XKR3: variants seen among roughly 807,000 people sequenced by gnomAD.
XKR3 encodes XK-related protein 3.
Under a neutral mutation model 40.3 loss-of-function variants are expected in XKR3, and 27 were observed. The observed-to-expected ratio is 0.67, with a 90% CI of 0.49 to 0.92. The LOEUF (loss-of-function observed/expected upper bound fraction) is 0.92, where lower values mean the gene tolerates loss of function less well. Among genes scored for constraint, XKR3 ranks in the 40% least tolerant of loss-of-function variants. XKR3 has a pLI of 0.00. For missense variants in XKR3, 472 were observed against 537.6 expected, an observed-to-expected ratio of 0.88 and a Z score of 1.21; for synonymous variants, 193 against 195.4, an observed-to-expected ratio of 0.99 and a Z score of 0.10.
At chr22:16,805,942 T>C (rs1461584594) in intron 2 of XKR3, among the ~76,000 whole-genome samples, 2 of 152,142 alleles carry the variant, frequency 1.3e-5, no homozygotes, top group African/African-American at 2.4e-5. Context: ...GAACCCCTAA[T>C]TATTGCTAGA....
At chr22:16,798,584 A>G (rs188359977) in intron 3 of XKR3, among the ~76,000 whole-genome samples, 13 of 152,320 alleles carry the variant, frequency 8.5e-5, no homozygotes, top group Non-Finnish European at 1.5e-4. Context: ...GGTGCCCATC[A>G]ATGGTACACT....
intron 2 of XKR3, among the ~76,000 whole-genome samples, chr22:16,801,776 G>A (rs5994022): frequency 0.87 from 131,618 of 151,490 alleles, 57,447 homozygotes; most frequent in African/African-American, 0.95. Context: ...CAAAAAAAGT[G>A]TCATCAGCAT....
chr22:16,813,842 C>G (rs761831766), intron 1 of XKR3, among the ~76,000 whole-genome samples: 10 of 152,124 alleles, frequency 6.6e-5, no homozygotes, highest in Non-Finnish European at 1.5e-4. Flanking sequence ...TCTGTTATTT[C>G]TTTCTGATTA....
intron 1 of XKR3, among the ~76,000 whole-genome samples, chr22:16,822,335 C>G (rs941700050): frequency 6.6e-6 from 1 of 150,790 alleles, no homozygotes; most frequent in African/African-American, 2.4e-5. Flanking sequence ...AAAGCAAGAA[C>G]TAAAGTAACA....
At chr22:16,802,188 C>G (rs1171667078) in intron 2 of XKR3, among the ~76,000 whole-genome samples, 1 of 152,134 alleles carries the variant, frequency 6.6e-6, no homozygotes, top group Non-Finnish European at 1.5e-5. Context: ...AATCATATCA[C>G]TATACCCTTT....
intron 1 of XKR3, among the ~76,000 whole-genome samples, chr22:16,821,071 T>C (rs901247242): frequency 8.5e-5 from 13 of 152,104 alleles, no homozygotes; most frequent in Non-Finnish European, 1.8e-4. Flanking sequence ...GATGTTAGAG[T>C]TAAGTCTTCA....
At chr22:16,785,812 G>GACTC (rs2060087961) in intron 3 of XKR3, among the ~76,000 whole-genome samples, 1 of 150,766 alleles carries the variant, frequency 6.6e-6, no homozygotes, top group East Asian at 2.0e-4. Context: ...AGCGCCACTG[G>GACTC]ACTCCAGCCT....
At chr22:16,803,305 C>T (rs140417872) in intron 2 of XKR3, among the ~76,000 whole-genome samples, 52 of 152,074 alleles carry the variant, frequency 3.4e-4, no homozygotes, top group African/African-American at 1.1e-3. Flanking sequence ...CAAAAAAGTC[C>T]TCAACACCAC....
chr22:16,785,230 C>T (rs1195096527), intron 3 of XKR3, among the ~76,000 whole-genome samples: 11 of 151,946 alleles, frequency 7.2e-5, no homozygotes, highest in Non-Finnish European at 1.2e-4. Context: ...GGAAGGAGAA[C>T]GGCATGAACC....
At position 16,783,533 on chromosome 22, in the gene XKR3, G is replaced by A. The variant is rs1226285508; in HGVS notation, c.*86C>T. ...TAGAAACCACTTCCAAGATTTTGCT[G>A]TGTATATTTTTTAAATTTAAGAGCC... On this transcript the variant is annotated 3_prime_UTR_variant, in exon 4 of 4. Coordinates refer to ENST00000684488, the MANE Select transcript of XKR3 (RefSeq NM_001386955.1). 5.6e-6 allele frequency: 6 copies of A among 1,074,228 alleles called. No individual in the cohort carries two copies. In the African/African-American group the frequency reaches 8.0e-5, roughly 14 times the overall value. The allele number at this position is 1,074,228 out of a possible 1,614,324, so 66.5% of individuals were successfully genotyped here. A position where few individuals can be genotyped will look rare whatever the true frequency, so the allele number is the denominator to read the frequency against.
chr22:16,787,741 C>T (rs2060096716), intron 3 of XKR3, among the ~76,000 whole-genome samples: 1 of 151,414 alleles, frequency 6.6e-6, no homozygotes, highest in Non-Finnish European at 1.5e-5. Context: ...TATAATCAAA[C>T]CAACAAATAT....
chr22:16,799,413 CAAAAAA>C (rs528071823), intron 3 of XKR3, among the ~76,000 whole-genome samples: 7 of 32,550 alleles, frequency 2.2e-4, no homozygotes, highest in Admixed American at 9.1e-4. Flanking sequence ...GACTATGTCT[CAAAAAA>C]AAAAAAAAAA....
At chr22:16,821,636 T>A (rs1260273115) in intron 1 of XKR3, 1 of 152,068 alleles carries the variant, frequency 6.6e-6, no homozygotes, top group Non-Finnish European at 1.5e-5. Context: ...TTGATGCTAA[T>A]ACAAGAGACA....
chr22:16,808,723 A>G (rs546969356), intron 1 of XKR3, among the ~76,000 whole-genome samples: 5 of 152,300 alleles, frequency 3.3e-5, no homozygotes, highest in Admixed American at 6.5e-5. Context: ...GGGGGGAAAA[A>G]CAGCTCATTT....
intron 3 of XKR3, among the ~76,000 whole-genome samples, chr22:16,790,246 ATT>A (rs35747328): frequency 0.044 from 6,056 of 138,078 alleles, 232 homozygotes; most frequent in African/African-American, 0.11. Context: ...CTGGGCAAGG[ATT>A]TTTTTTTTTT....
At chr22:16,798,691 A>G (rs1348716577) in intron 3 of XKR3, among the ~76,000 whole-genome samples, 1 of 152,234 alleles carries the variant, frequency 6.6e-6, no homozygotes, top group Non-Finnish European at 1.5e-5. Context: ...AAATAAATAA[A>G]TCATGTCGTT....
At chr22:16,822,642 T>C (rs1398301456) in intron 1 of XKR3, among the ~76,000 whole-genome samples, 1 of 152,130 alleles carries the variant, frequency 6.6e-6, no homozygotes, top group Admixed American at 6.5e-5. Context: ...CTAACCCTAG[T>C]GATAAGACTG....
intron 1 of XKR3, among the ~76,000 whole-genome samples, chr22:16,816,424 A>G (rs945697416): frequency 4.6e-5 from 7 of 151,498 alleles, no homozygotes; most frequent in African/African-American, 7.3e-5. Flanking sequence ...ATTAACTACC[A>G]TATTTCTACA....
chr22:16,803,240 A>G lies in XKR3; in HGVS notation c.336-3216T>C, dbSNP rs535888249. ...TATTAAAAATGCTATAGCCTGTCAA[A>G]AATGAGAAAAAAACTAGAAGAAACT... is the stretch of plus-strand genomic sequence containing the variant. On this transcript the variant is annotated intron_variant, in intron 2 of 3. Coordinates refer to ENST00000684488, the MANE Select transcript of XKR3 (RefSeq NM_001386955.1). Among the ~76,000 whole-genome samples, 123 of 152,314 alleles carry G rather than the reference A, an allele frequency of 8.1e-4. 1 individual carries two copies. The highest frequency in any genetic ancestry group is 1.7e-3 in the South Asian group (8 of 4,826).
Sources: gnomAD v4.1 joint callset for allele counts (sites outside exome capture counted in the v4.1 genomes callset) on GRCh38, gnomAD v4.1.1 for gene constraint, MANE v1.5 for transcripts, NCBI Gene and HGNC (gene_info 2026-07-23, HGNC 2026-07-21) for gene names.